The following ANO4 variants were observed in gnomAD, a reference collection of about 807,000 sequenced individuals.
The protein encoded by ANO4 is anoctamin 4, also known as anoctamin-4.
In ANO4, 69 loss-of-function variants were observed where a neutral mutation model predicts 141.9. The ratio of observed to expected loss-of-function variants is 0.49; its 90% CI spans 0.40 to 0.59. The LOEUF is 0.59. Among genes scored for constraint, ANO4 ranks in the 20% least tolerant of loss-of-function variants. The probability of loss-of-function intolerance (pLI) is 0.00; values close to 1 mark genes in which losing one functional copy is unlikely to be tolerated. For synonymous variants in ANO4, 350 were observed against 394.3 expected, an observed-to-expected ratio of 0.89 and a Z score of 1.33; for missense variants, 894 against 1,162.2, an observed-to-expected ratio of 0.77 and a Z score of 3.36.
intron 3 of ANO4, among the ~76,000 whole-genome samples, chr12:100,778,399 C>A (rs996090976): frequency 6.6e-6 from 1 of 152,090 alleles, no homozygotes; most frequent in Non-Finnish European, 1.5e-5. Flanking sequence ...ATTTAATTAA[C>A]TATATAAAAA....
intron 3 of ANO4, among the ~76,000 whole-genome samples, chr12:100,927,320 A>G (rs1405388077): frequency 6.6e-6 from 1 of 152,164 alleles, no homozygotes; most frequent in Non-Finnish European, 1.5e-5. Flanking sequence ...AATGATAACA[A>G]CATTACAGTG....
intron 1 of ANO4, among the ~76,000 whole-genome samples, chr12:100,801,500 A>ATT (rs36028810): frequency 0.019 from 2,743 of 147,454 alleles, 72 homozygotes; most frequent in African/African-American, 0.06. Flanking sequence ...GGAATGAAAG[A>ATT]TTTTTTTTTT....
chr12:100,784,897 T>C (rs1315188350), intron 3 of ANO4, among the ~76,000 whole-genome samples: 1 of 150,952 alleles, frequency 6.6e-6, no homozygotes, highest in Non-Finnish European at 1.5e-5. Flanking sequence ...CTTGACTTTG[T>C]TTTATGTGGG....
chr12:101,108,101 T>C (rs532685027), intron 22 of ANO4, among the ~76,000 whole-genome samples: 17 of 152,236 alleles, frequency 1.1e-4, no homozygotes, highest in Admixed American at 1.0e-3. Flanking sequence ...TACAGACAAC[T>C]GGAAATTCCC....
intron 2 of ANO4, among the ~76,000 whole-genome samples, chr12:100,908,539 A>T (rs1433698393): frequency 7.0e-6 from 1 of 143,686 alleles, no homozygotes; most frequent in Non-Finnish European, 1.5e-5. Context: ...ATTTAAAAAA[A>T]GTATTTTTAA....
At chr12:100,798,138 G>T in intron 1 of ANO4, among the ~76,000 whole-genome samples, 1 of 152,134 alleles carries the variant, frequency 6.6e-6, no homozygotes, top group East Asian at 1.9e-4. Flanking sequence ...TGTCTAAAAG[G>T]TCTTTGTGTT....
chr12:100,994,748 C>T (rs1209791933), intron 8 of ANO4, among the ~76,000 whole-genome samples: 1 of 152,140 alleles, frequency 6.6e-6, no homozygotes, highest in African/African-American at 2.4e-5. Flanking sequence ...TATTCCATAC[C>T]AGTTGTTGCT....
chr12:101,092,310 A>G (rs988513114), intron 17 of ANO4, among the ~76,000 whole-genome samples: 3 of 152,214 alleles, frequency 2.0e-5, no homozygotes, highest in Admixed American at 6.5e-5. Flanking sequence ...AGATAAAAGT[A>G]GAAGTACACA....
intron 15 of ANO4, among the ~76,000 whole-genome samples, chr12:101,081,022 A>AGTGT (rs139769612): frequency 0.32 from 44,424 of 140,796 alleles, 6,886 homozygotes; most frequent in East Asian, 0.42. Flanking sequence ...TATGTATGTG[A>AGTGT]GTGTGTGTAT....
intron 5 of ANO4, among the ~76,000 whole-genome samples, chr12:100,947,388 G>A (rs2042770572): frequency 6.6e-6 from 1 of 152,162 alleles, no homozygotes; most frequent in Non-Finnish European, 1.5e-5. Context: ...CTTCCCCAGT[G>A]CTAAGGGTGT....
intron 3 of ANO4, among the ~76,000 whole-genome samples, chr12:100,778,798 T>C (rs528992078): frequency 2.0e-5 from 3 of 152,342 alleles, no homozygotes; most frequent in East Asian, 3.9e-4. Flanking sequence ...ACAGAAATGT[T>C]GAGAGAATTT....
rs1407940545 is a variant in ANO4, at chr12:101,086,741, G to A, written c.1618G>A (p.Ala540Thr). 2 of 1,613,852 alleles carry A rather than the reference G, an allele frequency of 1.2e-6. No individual in the cohort carries two copies. Among genetic ancestry groups the A allele is most frequent in the Admixed American group, 1.7e-5 (1 of 59,998 alleles). ...TVSTFAAFKW[A>T]LIRNNSQVAT... is the part of the protein sequence containing the mutation. Reference sequence around the variant, plus strand: ...CAGCACTTTCGCTGCCTTTAAGTGGGCGTTAATCAGGAATAACTCTCAGGT... The same window carrying A: ...CAGCACTTTCGCTGCCTTTAAGTGGACGTTAATCAGGAATAACTCTCAGGT... The change falls in exon 17 of 28, where the codon GCG (alanine) becomes ACG (threonine). Residue 540 changes from alanine (A) to threonine (T), a missense_variant. Physicochemically the swap from Ala to Thr is moderately conservative, Grantham distance 58 (BLOSUM62 0). This residue lies in a region of ANO4 where 637 missense variants were observed against 909.2 expected (regional missense o/e 0.70). Transcript: ENST00000392977.
intron 9 of ANO4, among the ~76,000 whole-genome samples, chr12:101,032,812 G>GA (rs1196150265): frequency 6.6e-6 from 1 of 151,352 alleles, no homozygotes; most frequent in Non-Finnish European, 1.5e-5. Context: ...AAAAAGTCAG[G>GA]AAACAACAGG....
intron 25 of ANO4, among the ~76,000 whole-genome samples, chr12:101,118,924 G>A (rs1200425194): frequency 7.2e-6 from 1 of 139,030 alleles, no homozygotes; most frequent in African/African-American, 2.7e-5. Context: ...GTGTCCAAGT[G>A]TTCTCATTGT....
intron 1 of ANO4, among the ~76,000 whole-genome samples, chr12:100,876,328 G>A (rs1385936641): frequency 6.7e-6 from 1 of 150,078 alleles, no homozygotes; most frequent in East Asian, 2.0e-4. Context: ...AATTGCTAGT[G>A]ATGTCGACAA....
chr12:101,087,553 C>T (rs1466982443), intron 17 of ANO4, among the ~76,000 whole-genome samples: 1 of 152,048 alleles, frequency 6.6e-6, no homozygotes, highest in African/African-American at 2.4e-5. Context: ...AAAACCAAAG[C>T]ATTCCTTGAT....
chr12:101,116,771 T>A lies in ANO4; in HGVS notation c.2543T>A (p.Phe848Tyr). Residue 848 changes from phenylalanine (F) to tyrosine (Y), a missense_variant, in exon 25 of 28, where the codon TTC becomes TAC. Around this residue, in one of 2 missense-constraint regions of ANO4, gnomAD observed 637 missense variants for 909.2 expected, o/e 0.70. Coordinates refer to ENST00000392977, the MANE Select transcript of ANO4 (RefSeq NM_001286615.2). ...GAGCCTGAATCTGATGGCAGTGAGT[T>A]CTCGGGGACTCCTCTTAAGTACTGC... ...RSEPESDGSE[F>Y]SGTPLKYCRY... The A allele has an allele frequency of 1.9e-6, 3 of 1,614,130 alleles. No individual in the cohort carries two copies. Among genetic ancestry groups the A allele is most frequent in the Non-Finnish European group, 2.5e-6 (3 of 1,180,000 alleles).
At chr12:101,119,008 G>A (rs184290833) in intron 25 of ANO4, among the ~76,000 whole-genome samples, 98 of 151,942 alleles carry the variant, frequency 6.4e-4, no homozygotes, top group African/African-American at 2.2e-3. Context: ...GAGAATGATG[G>A]TTTCCAGCTT....
At position 100,952,567 on chromosome 12, in the gene ANO4, A is replaced by T. The variant is rs192991365; in HGVS notation, c.456+10032A>T. Among the ~76,000 whole-genome samples the T allele has an allele frequency of 1.5e-3, 229 of 152,240 alleles. 2 individuals are homozygous for T. Among genetic ancestry groups the T allele is most frequent in the African/African-American group, 5.3e-3 (221 of 41,544 alleles). On this transcript the variant is annotated intron_variant, in intron 5 of 27. Transcript: ENST00000392977. ...GGGGAAAGCTGAGGGGACCTGGTAG[A>T]TGGCAAGAGATATAACGATAAGTCC...
Sources: gnomAD v4.1 joint callset for allele counts (sites outside exome capture counted in the v4.1 genomes callset) on GRCh38, gnomAD v4.1.1 for gene constraint, gnomAD v4.1.1 regional missense constraint, MANE v1.5 for transcripts, NCBI Gene and HGNC (gene_info 2026-07-23, HGNC 2026-07-21) for gene names.